Variants in CAMK1D observed in about 807,000 individuals in gnomAD.
CAMK1D encodes calcium/calmodulin-dependent protein kinase type 1D.
CAMK1D carries 9 observed loss-of-function variants against 47.7 expected under a neutral mutation model. The ratio of observed to expected loss-of-function variants is 0.19; its 90% confidence interval spans 0.11 to 0.33. The LOEUF (loss-of-function observed/expected upper bound fraction) is 0.33. CAMK1D is among the 10% of genes least tolerant of loss of function. The pLI, the probability that CAMK1D is intolerant of heterozygous loss-of-function variation, is 1.00. For synonymous variants in CAMK1D, 184 were observed against 184.9 expected (o/e 0.99, Z 0.04); for missense variants, 291 against 488.7 (o/e 0.60, Z 3.81).
At chr10:12,382,286 C>T (rs770942474) in intron 1 of CAMK1D, among the ~76,000 whole-genome samples, 6 of 151,962 alleles carry the variant, frequency 3.9e-5, no homozygotes, top group African/African-American at 9.7e-5. Context: ...ATATAGTCAG[C>T]CCCATGGACA....
At chr10:12,352,133 A>T (rs1291863503) in intron 1 of CAMK1D, among the ~76,000 whole-genome samples, 1 of 152,224 alleles carries the variant, frequency 6.6e-6, no homozygotes, top group Non-Finnish European at 1.5e-5. Context: ...AGAGATAATT[A>T]TGTGAGCTAC....
At chr10:12,449,974 G>T (rs1472023325) in intron 1 of CAMK1D, among the ~76,000 whole-genome samples, 1 of 152,068 alleles carries the variant, frequency 6.6e-6, no homozygotes, top group Admixed American at 6.6e-5. Context: ...CTCCAGCCTG[G>T]GCGACAGAGC....
At chr10:12,804,811 G>A (rs1452179043) in intron 6 of CAMK1D, among the ~76,000 whole-genome samples, 3 of 149,770 alleles carry the variant, frequency 2.0e-5, no homozygotes, top group South Asian at 2.1e-4. Context: ...GGTGGTGCAC[G>A]CCTGTGGTTC....
At chr10:12,585,936 C>T (rs1837803931) in intron 2 of CAMK1D, among the ~76,000 whole-genome samples, 3 of 152,218 alleles carry the variant, frequency 2.0e-5, no homozygotes, top group Non-Finnish European at 4.4e-5. Context: ...TGCTCTGTGG[C>T]ATCTGTCACA....
At chr10:12,798,471 G>A (rs1264638510) in intron 6 of CAMK1D, among the ~76,000 whole-genome samples, 1 of 152,078 alleles carries the variant, frequency 6.6e-6, no homozygotes, top group African/African-American at 2.4e-5. Context: ...GGAGGTGGTG[G>A]GGCAGCTCCT....
In CAMK1D at chr10:12,600,221, T is replaced by C. The variant is rs902086212; in HGVS notation, c.224+46865T>C. The stretch of plus-strand genomic sequence containing the variant: ...AAACAGGAGAGATACTCAAGGATAT[T>C]TGACTCCAGTTCCCCGCTTCTTACA... On this transcript the variant is annotated intron_variant, in intron 2 of 10. Coordinates refer to ENST00000619168, the MANE Select transcript of CAMK1D (RefSeq NM_153498.4). 2.0e-5 allele frequency among the ~76,000 whole-genome samples: 3 copies of C among 152,192 alleles called. No homozygotes were observed. In the South Asian group the frequency reaches 6.2e-4, roughly 32 times the overall value.
At chr10:12,481,755 G>T (rs988746016) in intron 1 of CAMK1D, among the ~76,000 whole-genome samples, 1 of 152,094 alleles carries the variant, frequency 6.6e-6, no homozygotes, top group African/African-American at 2.4e-5. Flanking sequence ...TGATCTGCCC[G>T]CCTTGGCCTC....
intron 3 of CAMK1D, among the ~76,000 whole-genome samples, chr10:12,707,779 G>A (rs963591937): frequency 3.3e-5 from 5 of 152,164 alleles, no homozygotes; most frequent in Non-Finnish European, 4.4e-5. Flanking sequence ...AGGGGGCCTC[G>A]CATACCTGCC....
At chr10:12,694,678 G>A (rs969727145) in intron 3 of CAMK1D, among the ~76,000 whole-genome samples, 16 of 148,162 alleles carry the variant, frequency 1.1e-4, no homozygotes, top group African/African-American at 3.5e-4. Context: ...ATGTAAGATT[G>A]AAAGACTCCT....
intron 1 of CAMK1D, among the ~76,000 whole-genome samples, chr10:12,418,475 G>A (rs1225495808): frequency 6.6e-6 from 1 of 152,178 alleles, no homozygotes; most frequent in Non-Finnish European, 1.5e-5. Flanking sequence ...GGGCACCGTG[G>A]CATATGCCTG....
At chr10:12,441,134 GT>G (rs1334572832) in intron 1 of CAMK1D, among the ~76,000 whole-genome samples, 5 of 152,044 alleles carry the variant, frequency 3.3e-5, no homozygotes, top group East Asian at 3.9e-4. Flanking sequence ...AAAATAGACA[GT>G]TTTTCCTGGG....
chr10:12,554,140 C>T (rs1836683198), intron 2 of CAMK1D, among the ~76,000 whole-genome samples: 1 of 151,840 alleles, frequency 6.6e-6, no homozygotes, highest in Non-Finnish European at 1.5e-5. Context: ...ACTCCCCTCC[C>T]CTTTGCTCCC....
intron 3 of CAMK1D, among the ~76,000 whole-genome samples, chr10:12,727,257 GAAGTGTTAAGAAGGTTATGACTC>G (rs2130801990): frequency 6.6e-6 from 1 of 152,320 alleles, no homozygotes; most frequent in Non-Finnish European, 1.5e-5. Flanking sequence ...TTCAAGTCCA[GAAGTGTTAAGAAGGTTATGACTC>G]AGAGACATCA....
intron 6 of CAMK1D, among the ~76,000 whole-genome samples, chr10:12,809,013 A>T (rs1832490890): frequency 6.6e-6 from 1 of 151,884 alleles, no homozygotes; most frequent in Non-Finnish European, 1.5e-5. Context: ...GGTGCGCAGG[A>T]GGCTGAGGCA....
At chr10:12,527,646 G>A (rs924145911) in intron 1 of CAMK1D, among the ~76,000 whole-genome samples, 3 of 152,162 alleles carry the variant, frequency 2.0e-5, no homozygotes, top group African/African-American at 7.2e-5. Context: ...GAATTGCTGG[G>A]ATTACAGGCG....
intron 4 of CAMK1D, among the ~76,000 whole-genome samples, chr10:12,764,526 G>A (rs1362684748): frequency 2.0e-5 from 3 of 152,058 alleles, no homozygotes; most frequent in African/African-American, 7.2e-5. Context: ...GAGCCCTTTG[G>A]CCACCCCTTG....
intron 1 of CAMK1D, among the ~76,000 whole-genome samples, chr10:12,443,676 CTGG>C (rs1564343362): frequency 1.3e-5 from 2 of 151,996 alleles, no homozygotes; most frequent in Non-Finnish European, 2.9e-5. Flanking sequence ...TTTGCCCAGG[CTGG>C]AGTAAAGTGG....
chr10:12,387,459 A>C (rs1387016837), intron 1 of CAMK1D, among the ~76,000 whole-genome samples: 1 of 96,762 alleles, frequency 1.0e-5, no homozygotes, highest in East Asian at 2.6e-4. Flanking sequence ...ATATATATAT[A>C]TATATAGACA....
chr10:12,829,346 C>G lies in CAMK1D; in HGVS notation c.*459C>G, dbSNP rs117107289. Reference sequence around the variant, plus strand: ...CCTTTGTATCTCTAAGTTACATGACCTATATCTTTTCCTCTTTAATAGTAG... The same window carrying G: ...CCTTTGTATCTCTAAGTTACATGACGTATATCTTTTCCTCTTTAATAGTAG... On this transcript the variant is annotated 3_prime_UTR_variant, in exon 11 of 11. Coordinates refer to ENST00000619168, the MANE Select transcript of CAMK1D (RefSeq NM_153498.4). 493 of 153,018 alleles carry G rather than the reference C, an allele frequency of 3.2e-3. 2 individuals are homozygous for G. Among genetic ancestry groups the G allele is most frequent in the Non-Finnish European group, 4.1e-3 (278 of 68,336 alleles). The allele number at this position is 153,018 out of a possible 1,614,324, so 9.5% of individuals were successfully genotyped here. A position where few individuals can be genotyped will look rare whatever the true frequency, so the allele number is the denominator to read the frequency against.
Sources: gnomAD v4.1 joint callset for allele counts (sites outside exome capture counted in the v4.1 genomes callset) on GRCh38, gnomAD v4.1.1 for gene constraint, MANE v1.5 for transcripts, NCBI Gene and HGNC (gene_info 2026-07-23, HGNC 2026-07-21) for gene names.